The following CCDC158 variants were observed in gnomAD, a reference collection of about 807,000 sequenced individuals.
CCDC158 encodes coiled-coil domain-containing protein 158.
Under a neutral mutation model 138.6 loss-of-function variants are expected in CCDC158, and 116 were observed. That is an observed-to-expected ratio of 0.84 (90% CI 0.72 to 0.98). The LOEUF is 0.98. Among genes scored for constraint, CCDC158 ranks in the 50% least tolerant of loss-of-function variants. CCDC158 has a pLI of 0.00. For synonymous variants in CCDC158, 436 were observed against 442.4 expected (o/e 0.99, Z 0.18); for missense variants, 1,265 against 1,306.1 (o/e 0.97, Z 0.48).
intron 15 of CCDC158, 105 bp from the exon 16 acceptor site, chr4:76,353,386 G>A: frequency 7.1e-6 from 6 of 849,420 alleles, no homozygotes; most frequent in Non-Finnish European, 1.1e-5. Flanking sequence ...AACTAGGTAA[G>A]TTTAATTTAT....
intron 18 of CCDC158, among the ~76,000 whole-genome samples, chr4:76,343,007 CT>C (rs1310255632): frequency 1.3e-5 from 2 of 152,148 alleles, no homozygotes; most frequent in African/African-American, 4.8e-5. Flanking sequence ...TTCTTTCCCC[CT>C]AAATGAATTT....
chr4:76,351,974 G>A, intron 16 of CCDC158, 162 bp from the exon 17 acceptor site: 1 of 541,716 alleles, frequency 1.8e-6, no homozygotes, highest in South Asian at 2.8e-5. Flanking sequence ...AGTGAACTGT[G>A]AGCAACTGGA....
At chr4:76,323,946 T>G (rs1227179203) in intron 23 of CCDC158, among the ~76,000 whole-genome samples, 1 of 152,210 alleles carries the variant, frequency 6.6e-6, no homozygotes, top group African/African-American at 2.4e-5. Context: ...CAGTGGCAAC[T>G]AAAGAAGGCC....
chr4:76,395,782 T>A (rs910013252), intron 4 of CCDC158, among the ~76,000 whole-genome samples: 1 of 152,200 alleles, frequency 6.6e-6, no homozygotes, highest in Non-Finnish European at 1.5e-5. Context: ...GGACCAAATA[T>A]GCAATTGTAA....
chr4:76,341,664 C>T (rs1033502853), intron 18 of CCDC158, among the ~76,000 whole-genome samples: 7 of 152,124 alleles, frequency 4.6e-5, no homozygotes, highest in African/African-American at 9.7e-5. Flanking sequence ...ATCTAAAATG[C>T]TCCTATATCA....
At chr4:76,406,628 A>G (rs1728849209) in intron 2 of CCDC158, among the ~76,000 whole-genome samples, 1 of 152,178 alleles carries the variant, frequency 6.6e-6, no homozygotes, top group Non-Finnish European at 1.5e-5. Flanking sequence ...GTTACAAACA[A>G]CACCTTCTGG....
At chr4:76,314,967 A>C (rs1719231948) in intron 24 of CCDC158, among the ~76,000 whole-genome samples, 1 of 152,218 alleles carries the variant, frequency 6.6e-6, no homozygotes, top group Non-Finnish European at 1.5e-5. Flanking sequence ...GGGGCAGGTG[A>C]GACGTGAAAG....
chr4:76,339,343 TA>T (rs1465302091), intron 18 of CCDC158, among the ~76,000 whole-genome samples: 1 of 152,190 alleles, frequency 6.6e-6, no homozygotes, highest in Non-Finnish European at 1.5e-5. Context: ...CATGAACTTT[TA>T]GGAGAAGCTG....
At chr4:76,351,847 C>T (rs771984459) in intron 16 of CCDC158, 35 bp from the exon 17 acceptor site, 2 of 1,307,332 alleles carry the variant, frequency 1.5e-6, no homozygotes, top group Non-Finnish European at 2.2e-6. Flanking sequence ...GTTTATCTTG[C>T]ATTCTTTATG....
chr4:76,369,430 C>A lies in CCDC158; in HGVS notation c.1343G>T (p.Arg448Leu). 1 of 1,613,958 alleles carries A rather than the reference C, an allele frequency of 6.2e-7. No homozygotes were observed. The change falls in exon 11 of 25, where the codon CGG becomes CTG. Residue 448 changes from arginine to leucine, a missense_variant. Arg to Leu is a moderately radical substitution (Grantham distance 102). Coordinates refer to ENST00000682701, the MANE Select transcript of CCDC158 (RefSeq NM_001394954.1). Reference protein sequence around the residue: ...LKSECQGQMERQMAAIQGKNE... With the variant: ...LKSECQGQMELQMAAIQGKNE... ...ACAGCCTGTGCAGGCACTGACCTGC[C>A]GCTCCATCTGGCCCTGACACTCGCT...
intron 18 of CCDC158, among the ~76,000 whole-genome samples, chr4:76,350,218 T>C (rs1024953671): frequency 6.6e-6 from 1 of 152,208 alleles, no homozygotes; most frequent in Non-Finnish European, 1.5e-5. Flanking sequence ...GATAGACTAC[T>C]CTTTGTTGTA....
intron 18 of CCDC158, among the ~76,000 whole-genome samples, chr4:76,349,280 A>G (rs1253861030): frequency 1.3e-5 from 2 of 152,280 alleles, no homozygotes; most frequent in Non-Finnish European, 2.9e-5. Flanking sequence ...TTATATAATA[A>G]ACATTTTTAA....
chr4:76,421,543 C>G (rs1426510858), upstream of CCDC158, among the ~76,000 whole-genome samples: 1 of 152,084 alleles, frequency 6.6e-6, no homozygotes, highest in African/African-American at 2.4e-5. Context: ...ACTCTCGTAG[C>G]TGTCCCCACC....
chr4:76,408,194 T>A (rs183660347), intron 2 of CCDC158, among the ~76,000 whole-genome samples: 214 of 142,020 alleles, frequency 1.5e-3, no homozygotes, highest in East Asian at 8.1e-3. Flanking sequence ...ATATATATAT[T>A]TTTTTATTAT....
At position 76,328,913 on chromosome 4, in the gene CCDC158, T is replaced by C. The variant is rs755252376; in HGVS notation, c.2997A>G (p.Thr999=). The stretch of plus-strand genomic sequence containing the variant: ...TTGGAAACTCACCTGCAGATGTGAA[T>C]GTGAAGCAACCAGAGGGATCTTCCC... ...GDREDPSGCF[T]FTSAASPSVK... is the part of the protein sequence containing the mutation. The change falls in exon 22 of 25, where the codon ACA becomes ACG. Residue 999 remains threonine, a synonymous_variant. Transcript: ENST00000682701. 6 of 1,613,800 alleles carry C rather than the reference T, an allele frequency of 3.7e-6. No homozygotes were observed. The Admixed American group carries it at 6.7e-5, about 18-fold the overall frequency.
intron 11 of CCDC158, among the ~76,000 whole-genome samples, chr4:76,369,163 C>T (rs1189183297): frequency 2.0e-5 from 3 of 151,664 alleles, no homozygotes; most frequent in Non-Finnish European, 4.4e-5. Flanking sequence ...TGCAGTGAGC[C>T]GAGATCGCGC....
chr4:76,357,788 T>C (rs1315817741), intron 13 of CCDC158, among the ~76,000 whole-genome samples: 2 of 152,134 alleles, frequency 1.3e-5, no homozygotes, highest in Non-Finnish European at 2.9e-5. Flanking sequence ...TTATAATTAG[T>C]TTGCAGTTAT....
rs1720489622 is a variant in CCDC158, at chr4:76,325,948, G to A, written c.3078C>T (p.His1026=). The A allele has an allele frequency of 1.9e-6, 3 of 1,613,364 alleles. No homozygotes were observed. In the African/African-American group the frequency reaches 4.0e-5, roughly 22 times the overall value. Residue 1026 remains histidine, a synonymous_variant, in exon 23 of 25, where the codon CAC becomes CAT. Transcript: ENST00000682701. ...FNSSPKKSPV[H]SLLTSSVEGS... is the part of the protein sequence containing the mutation. Reference sequence around the variant, plus strand: ...CTTCAACTGAACTAGTTAGGAGTGAGTGCACTGGAGACTTCTTAGGAGAAG... The same window carrying A: ...CTTCAACTGAACTAGTTAGGAGTGAATGCACTGGAGACTTCTTAGGAGAAG...
intron 23 of CCDC158, 22 bp from the exon 24 acceptor site, chr4:76,323,431 G>T (rs764558257): frequency 1.3e-6 from 2 of 1,545,108 alleles, no homozygotes; most frequent in Admixed American, 1.8e-5. Context: ...TTGCTTAGAT[G>T]TGATATTAAA....
Sources: allele counts gnomAD v4.1 joint callset (sites outside exome capture counted in the v4.1 genomes callset), GRCh38; gene constraint gnomAD v4.1.1; transcripts MANE v1.5; gene names NCBI Gene and HGNC (gene_info 2026-07-23, HGNC 2026-07-21).